Variants in MIGA1 observed in about 807,000 individuals in gnomAD.
The protein encoded by MIGA1 is mitoguardin 1.
A neutral mutation model predicts 82.0 loss-of-function variants in MIGA1; 58 were observed. The ratio of observed to expected loss-of-function variants is 0.71; its 90% confidence interval spans 0.57 to 0.88. The LOEUF is 0.88. Ranked by LOEUF, MIGA1 falls within the 40% of genes least tolerant of loss-of-function variation. The pLI is 0.00. For missense variants in MIGA1, 751 were observed against 749.1 expected (o/e 1.00, Z -0.03); for synonymous variants, 249 against 253.6 (o/e 0.98, Z 0.17).
intron 7 of MIGA1, among the ~76,000 whole-genome samples, chr1:77,819,485 T>A (rs1683716863): frequency 6.6e-6 from 1 of 152,116 alleles, no homozygotes; most frequent in Non-Finnish European, 1.5e-5. Flanking sequence ...AGTTTCACCA[T>A]GTTGGCCAGG....
At chr1:77,847,343 T>C in intron 8 of MIGA1, 1 of 957,518 alleles carries the variant, frequency 1.0e-6, no homozygotes, top group East Asian at 2.4e-5. Context: ...ACAGTATTTA[T>C]GATGAAATGC....
chr1:77,873,945 G>A (rs1185586024), intron 15 of MIGA1, among the ~76,000 whole-genome samples: 1 of 152,148 alleles, frequency 6.6e-6, no homozygotes, highest in East Asian at 1.9e-4. Context: ...AATTAAGTCT[G>A]TCATCAGTGA....
intron 6 of MIGA1, among the ~76,000 whole-genome samples, chr1:77,814,448 G>A (rs1272478002): frequency 6.6e-6 from 1 of 151,810 alleles, no homozygotes; most frequent in African/African-American, 2.4e-5. Flanking sequence ...TACAGTGGTT[G>A]TTCATAGGAA....
intron 7 of MIGA1, among the ~76,000 whole-genome samples, chr1:77,827,107 A>G (rs1684059499): frequency 6.6e-6 from 1 of 151,812 alleles, no homozygotes; most frequent in Non-Finnish European, 1.5e-5. Context: ...GCACCTGGCC[A>G]AAAAGAGCCT....
intron 8 of MIGA1, chr1:77,848,677 G>C: frequency 6.3e-7 from 1 of 1,577,854 alleles, no homozygotes; most frequent in South Asian, 1.1e-5. Flanking sequence ...GAGACCACCT[G>C]AGGCAGTGAG....
At chr1:77,808,113 C>G (rs1160552357) in intron 5 of MIGA1, among the ~76,000 whole-genome samples, 1 of 151,746 alleles carries the variant, frequency 6.6e-6, no homozygotes, top group Non-Finnish European at 1.5e-5. Context: ...AGCCACCTCA[C>G]CCAGCCACCT....
intron 4 of MIGA1, among the ~76,000 whole-genome samples, chr1:77,803,993 C>A (rs1557901521): frequency 6.6e-6 from 1 of 152,028 alleles, no homozygotes; most frequent in Non-Finnish European, 1.5e-5. Context: ...GATGTGATCA[C>A]TACATGTTGT....
intron 7 of MIGA1, among the ~76,000 whole-genome samples, chr1:77,841,017 G>A (rs1028480432): frequency 3.3e-5 from 5 of 152,168 alleles, no homozygotes; most frequent in Admixed American, 1.3e-4. Flanking sequence ...GCCTTAATAT[G>A]CACTGAAAAG....
At chr1:77,832,651 T>A (rs572147637) in intron 7 of MIGA1, among the ~76,000 whole-genome samples, 7 of 152,272 alleles carry the variant, frequency 4.6e-5, no homozygotes, top group Non-Finnish European at 8.8e-5. Flanking sequence ...TGGAGCCTGT[T>A]TAGGGAACTA....
rs779058377 is a variant in MIGA1, at chr1:77,779,652, C to T, written c.-4C>T. ...CCTGACCCCGGAAGGACTCCGCCTT[C>T]TCCATGTCAGACTGCTGCTCAGCGC... On this transcript the variant is annotated 5_prime_UTR_variant, in exon 1 of 16. Coordinates refer to ENST00000370791, the MANE Select transcript of MIGA1 (RefSeq NM_198549.4). 1.8e-5 allele frequency: 29 copies of T among 1,576,178 alleles called. No homozygotes were observed. The highest frequency in any genetic ancestry group is 2.4e-5 in the Non-Finnish European group (28 of 1,160,714).
At chr1:77,787,055 G>T in intron 2 of MIGA1, among the ~76,000 whole-genome samples, 1 of 152,310 alleles carries the variant, frequency 6.6e-6, no homozygotes, top group South Asian at 2.1e-4. Flanking sequence ...TGAAAGGCAC[G>T]TCTCACATGG....
At chr1:77,779,922 A>AC in intron 1 of MIGA1, 186 bp downstream of exon 1, 3 of 1,377,970 alleles carry the variant, frequency 2.2e-6, no homozygotes, top group Non-Finnish European at 2.8e-6. Flanking sequence ...CACCCTGAAC[A>AC]CCCCCGACCT....
At chr1:77,869,509 G>A (rs1685819556) in intron 14 of MIGA1, among the ~76,000 whole-genome samples, 2 of 136,686 alleles carry the variant, frequency 1.5e-5, no homozygotes, top group African/African-American at 5.5e-5. Context: ...TCACTTCCCA[G>A]TAGGGGCGGC....
intron 7 of MIGA1, among the ~76,000 whole-genome samples, chr1:77,829,722 C>G (rs896260156): frequency 1.3e-5 from 2 of 152,256 alleles, no homozygotes; most frequent in East Asian, 3.9e-4. Flanking sequence ...CCTCCCATCT[C>G]GGCCTCCCAA....
At chr1:77,866,636 A>AAC (rs1418561660) in intron 14 of MIGA1, among the ~76,000 whole-genome samples, 9 of 151,862 alleles carry the variant, frequency 5.9e-5, no homozygotes, top group Middle Eastern at 3.4e-3. Context: ...TCGAGTTGGA[A>AAC]ACAGCTCTGA....
intron 7 of MIGA1, among the ~76,000 whole-genome samples, chr1:77,824,983 CTTTTTTTTTTT>C (rs11375207): frequency 0.057 from 5,833 of 103,192 alleles, 158 homozygotes; most frequent in Middle Eastern, 0.12. Flanking sequence ...TTCTATTCCT[CTTTTTTTTTTT>C]TTTTTTTTTT....
chr1:77,780,909 T>C (rs1681877066), intron 1 of MIGA1, among the ~76,000 whole-genome samples: 1 of 132,318 alleles, frequency 7.6e-6, no homozygotes, highest in South Asian at 2.3e-4. Flanking sequence ...TTCTTTTTTC[T>C]TTTTTTTTTT....
intron 5 of MIGA1, among the ~76,000 whole-genome samples, chr1:77,810,682 G>A (rs990798308): frequency 6.6e-6 from 1 of 152,216 alleles, no homozygotes. Context: ...AGTCCTATAC[G>A]TCAGTGATGT....
At chr1:77,792,266 T>C (rs938586424) in intron 2 of MIGA1, among the ~76,000 whole-genome samples, 1 of 152,244 alleles carries the variant, frequency 6.6e-6, no homozygotes, top group Non-Finnish European at 1.5e-5. Flanking sequence ...AATTATTGTC[T>C]GCCTGGAGTA....
Sources: allele counts gnomAD v4.1 joint callset (sites outside exome capture counted in the v4.1 genomes callset), GRCh38; gene constraint gnomAD v4.1.1; transcripts MANE v1.5; gene names NCBI Gene and HGNC (gene_info 2026-07-23, HGNC 2026-07-21).